CAGE1: variants seen among roughly 807,000 people sequenced by gnomAD.
CAGE1 encodes cancer-associated gene 1 protein.
In CAGE1, 66 loss-of-function variants were observed where a neutral mutation model predicts 94.9. The observed-to-expected ratio is 0.70, with a 90% CI of 0.57 to 0.85. CAGE1 has a LOEUF of 0.85. Among genes scored for constraint, CAGE1 ranks in the 40% least tolerant of loss-of-function variants. The probability of loss-of-function intolerance (pLI) is 0.00; values close to 1 mark genes in which losing one functional copy is unlikely to be tolerated. For synonymous variants in CAGE1, 319 were observed against 321.0 expected (o/e 0.99, Z 0.07); for missense variants, 865 against 950.4 (o/e 0.91, Z 1.18).
intron 11 of CAGE1, among the ~76,000 whole-genome samples, chr6:7,346,277 G>A (rs1180567892): frequency 2.6e-5 from 4 of 152,228 alleles, no homozygotes; most frequent in East Asian, 1.9e-4. Flanking sequence ...AAATCAGGGC[G>A]GGTGCAGTGA....
chr6:7,353,694 T>C (rs1023570613), intron 11 of CAGE1, among the ~76,000 whole-genome samples: 5 of 121,676 alleles, frequency 4.1e-5, no homozygotes, highest in South Asian at 2.7e-4. Context: ...ATTATATATA[T>C]GTACACACAC....
chr6:7,382,845 G>A (rs1760984584), intron 3 of CAGE1, among the ~76,000 whole-genome samples: 1 of 152,080 alleles, frequency 6.6e-6, no homozygotes, highest in African/African-American at 2.4e-5. Context: ...GGAAGGTGGA[G>A]GTTGCAGTGA....
intron 4 of CAGE1, among the ~76,000 whole-genome samples, chr6:7,374,551 C>A (rs1270598568): frequency 1.4e-5 from 2 of 143,048 alleles, no homozygotes. Context: ...TTTTTTTTTA[C>A]ATGTTATTAC....
At chr6:7,368,299 A>G (rs1463757469) in intron 7 of CAGE1, among the ~76,000 whole-genome samples, 1 of 151,782 alleles carries the variant, frequency 6.6e-6, no homozygotes, top group Non-Finnish European at 1.5e-5. Context: ...AACTAAAGAC[A>G]ATCCAAGAAC....
rs561888689 is a variant in CAGE1, at chr6:7,341,339, G to C, written c.2370-7249C>G. 5 of 704,902 alleles carry C rather than the reference G, an allele frequency of 7.1e-6. No individual in the cohort carries two copies. The South Asian group carries it at 7.2e-5, about 10-fold the overall frequency. The allele number at this position is 704,902 out of a possible 1,614,324, so 43.7% of individuals were successfully genotyped here. Reference sequence around the variant, plus strand: ...TGCCAAAATCCTTACTGGTGTCCCAGATCACATGGGTCCTGTTGTGATCAG... The same window carrying C: ...TGCCAAAATCCTTACTGGTGTCCCACATCACATGGGTCCTGTTGTGATCAG... On this transcript the variant is annotated intron_variant, in intron 11 of 13. Transcript: ENST00000502583.
chr6:7,369,526 C>T (rs1318737584), intron 6 of CAGE1, among the ~76,000 whole-genome samples: 2 of 152,198 alleles, frequency 1.3e-5, no homozygotes, highest in African/African-American at 4.8e-5. Context: ...ACTGCCCTTC[C>T]CCGACTCCTA....
intron 9 of CAGE1, among the ~76,000 whole-genome samples, chr6:7,356,382 AC>A (rs1284261371): frequency 6.6e-6 from 1 of 152,202 alleles, no homozygotes; most frequent in Non-Finnish European, 1.5e-5. Flanking sequence ...AAATAACAGA[AC>A]ACCTATTGGT....
chr6:7,334,725 CAA>C (rs58790989), intron 11 of CAGE1, among the ~76,000 whole-genome samples: 14 of 67,884 alleles, frequency 2.1e-4, no homozygotes, highest in Admixed American at 3.1e-4. Flanking sequence ...GACTCTCTCT[CAA>C]AAAAAAAAAA....
chr6:7,344,970 G>A (rs1157600705), intron 11 of CAGE1, among the ~76,000 whole-genome samples: 1 of 152,170 alleles, frequency 6.6e-6, no homozygotes, highest in African/African-American at 2.4e-5. Context: ...GTCAAAACAG[G>A]CCACTCGGCT....
intron 10 of CAGE1, 120 bp from the exon 11 acceptor site, chr6:7,355,231 A>G (rs1442116860): frequency 3.2e-6 from 2 of 615,670 alleles, no homozygotes; most frequent in Non-Finnish European, 5.7e-6. Flanking sequence ...ATAATAGGCA[A>G]AACACTTTCC....
chr6:7,384,854 G>C (rs9505186), intron 3 of CAGE1, among the ~76,000 whole-genome samples: 8,413 of 151,944 alleles, frequency 0.055, 387 homozygotes, highest in African/African-American at 0.13. Context: ...GGACCACGAT[G>C]CCTGGCTAAT....
chr6:7,360,594 G>A (rs1286990287), intron 9 of CAGE1, among the ~76,000 whole-genome samples: 1 of 152,124 alleles, frequency 6.6e-6, no homozygotes, highest in African/African-American at 2.4e-5. Flanking sequence ...AAGAAGATTG[G>A]CTGATTGAGT....
At chr6:7,345,932 G>A (rs1047747093) in intron 11 of CAGE1, among the ~76,000 whole-genome samples, 2 of 151,788 alleles carry the variant, frequency 1.3e-5, no homozygotes, top group East Asian at 1.9e-4. Context: ...CTCAAAAAAA[G>A]AAAAATTACA....
chr6:7,360,775 C>G (rs1760137466), intron 9 of CAGE1, among the ~76,000 whole-genome samples: 1 of 152,050 alleles, frequency 6.6e-6, no homozygotes. Context: ...GAAACCCCGT[C>G]TCTACTAAAA....
chr6:7,370,765 A>T (rs1055722935), intron 5 of CAGE1, among the ~76,000 whole-genome samples: 9 of 152,174 alleles, frequency 5.9e-5, no homozygotes, highest in African/African-American at 1.9e-4. Flanking sequence ...GAGCAATTAC[A>T]TCATCACACA....
intron 11 of CAGE1, among the ~76,000 whole-genome samples, chr6:7,347,072 T>G (rs1364818645): frequency 6.6e-6 from 1 of 152,116 alleles, no homozygotes; most frequent in Non-Finnish European, 1.5e-5. Context: ...ACTGGGGCAA[T>G]CCTCATGGTG....
intron 9 of CAGE1, among the ~76,000 whole-genome samples, chr6:7,357,558 C>A (rs1350141709): frequency 6.6e-6 from 1 of 151,796 alleles, no homozygotes; most frequent in Non-Finnish European, 1.5e-5. Context: ...AATTTGCTAA[C>A]CTCAGATTAA....
chr6:7,328,899 TG>T (rs2113332992), intron 13 of CAGE1, among the ~76,000 whole-genome samples: 1 of 93,970 alleles, frequency 1.1e-5, no homozygotes, highest in South Asian at 3.7e-4. Flanking sequence ...TGTGTGTGTG[TG>T]TGTGTGTGTG....
Position 7,339,119 on chromosome 6 carries a change from C to T in CAGE1, c.2370-5029G>A. ...GGATCATCAGGCCGTCCACAAACTT[C>T]ATGGATTTAGCTCTCTGTCCTCAGA... On this transcript the variant is annotated intron_variant, in intron 11 of 13. Coordinates refer to ENST00000502583, the MANE Select transcript of CAGE1 (RefSeq NM_001170692.2). This position sits in a 1 kb window ranked among gnomAD's most constrained non-coding sequence, Gnocchi z 4.7. 6.3e-7 allele frequency: 1 copy of T among 1,577,284 alleles called. No homozygotes were observed. The highest frequency in any genetic ancestry group is 8.7e-7 in the Non-Finnish European group (1 of 1,147,456).
Sources: gnomAD v4.1 joint callset for allele counts (sites outside exome capture counted in the v4.1 genomes callset) on GRCh38, gnomAD v4.1.1 for gene constraint, Gnocchi (gnomAD v3.1) non-coding constraint, MANE v1.5 for transcripts, NCBI Gene and HGNC (gene_info 2026-07-23, HGNC 2026-07-21) for gene names.